Variants in ACOT7 observed in about 807,000 individuals in gnomAD.
The protein encoded by ACOT7 is acyl-CoA thioesterase 7, also known as cytosolic acyl coenzyme A thioester hydrolase.
A neutral mutation model predicts 40.2 loss-of-function variants in ACOT7; 12 were observed. That is an observed-to-expected ratio of 0.30 (90% confidence interval 0.19 to 0.48). The LOEUF (loss-of-function observed/expected upper bound fraction) is 0.48. Ranked by LOEUF, ACOT7 falls within the 20% of genes least tolerant of loss-of-function variation. The pLI is 0.99. For missense variants in ACOT7, 395 were observed against 530.8 expected, an observed-to-expected ratio of 0.74 and a Z score of 2.51; for synonymous variants, 228 against 219.5, an observed-to-expected ratio of 1.04 and a Z score of -0.34.
chr1:6,392,774 T>TG lies in ACOT7; in HGVS notation c.143+482dup, dbSNP rs553176374. 6.6e-5 allele frequency among the ~76,000 whole-genome samples: 10 copies of TG among 152,246 alleles called. 1 individual carries two copies. In the South Asian group the frequency reaches 2.1e-3, roughly 32 times the overall value. ...ACCCACCGAGGGGCTCGCGCGGCTC[T>TG]GGGCACCTCCCCTCCACCTCTGGGG... is the stretch of plus-strand genomic sequence containing the variant. On this transcript the variant is annotated intron_variant, in intron 1 of 8. Coordinates refer to ENST00000361521, the MANE Select transcript of ACOT7 (RefSeq NM_007274.4).
At chr1:6,339,664 T>C (rs6683889) in intron 2 of ACOT7, 75 bp from the exon 3 acceptor site, 235,038 of 1,546,266 alleles carry the variant, frequency 0.15, 18,920 homozygotes, top group African/African-American at 0.25. Flanking sequence ...ACATGCCCCC[T>C]GGAAACGGTC....
At chr1:6,375,856 T>G (rs529560478) in intron 1 of ACOT7, among the ~76,000 whole-genome samples, 50 of 151,146 alleles carry the variant, frequency 3.3e-4, no homozygotes, top group African/African-American at 1.2e-3. Context: ...AAGAATGGCA[T>G]GAACCCGGGA....
At chr1:6,349,092 A>G (rs1641516110) in intron 2 of ACOT7, among the ~76,000 whole-genome samples, 2 of 152,158 alleles carry the variant, frequency 1.3e-5, no homozygotes, top group African/African-American at 4.8e-5. Context: ...GCCGCCCTTC[A>G]GAGAAAATGT....
intron 2 of ACOT7, among the ~76,000 whole-genome samples, chr1:6,343,168 C>A (rs578160394): frequency 6.6e-6 from 1 of 152,190 alleles, no homozygotes. Context: ...ATTAGGCAAG[C>A]GTCCCAGAGC....
chr1:6,352,785 G>A lies in ACOT7; in HGVS notation c.144-2919C>T, dbSNP rs559422467. On this transcript the variant is annotated intron_variant, in intron 1 of 8. Coordinates refer to ENST00000361521, the MANE Select transcript of ACOT7 (RefSeq NM_007274.4). The surrounding 1 kb of genome is among the most constrained non-coding windows in gnomAD (Gnocchi z 4.5). ...TTTTTAGTAGAGAAGGGGTTTCACC[G>A]TATTAGCCAGGATGGTCTTGATCTC... Among the ~76,000 whole-genome samples, 14 of 152,088 alleles carry A rather than the reference G, an allele frequency of 9.2e-5. No homozygotes were observed. The highest frequency in any genetic ancestry group is 3.4e-4 in the African/African-American group (14 of 41,482).
At chr1:6,304,711 G>A (rs1318368501) in intron 6 of ACOT7, among the ~76,000 whole-genome samples, 3 of 130,668 alleles carry the variant, frequency 2.3e-5, no homozygotes, top group African/African-American at 3.3e-5. Flanking sequence ...AGGGTTGGGG[G>A]TAAGGTCACA....
chr1:6,305,626 T>C (rs1380130285), intron 6 of ACOT7, among the ~76,000 whole-genome samples: 2 of 134,704 alleles, frequency 1.5e-5, no homozygotes, highest in African/African-American at 5.7e-5. Context: ...ACATCTCAGA[T>C]GATGGGCGGC....
rs569445709 is a variant in ACOT7, at chr1:6,272,454, A to G, written c.1015-7759T>C. ...TGACAAAGATGAGATGAGAGTGTCC[A>G]GCACACCTAGGCTTGGCCATCCCCC... On this transcript the variant is annotated intron_variant, in intron 8 of 8. Coordinates refer to ENST00000361521, the MANE Select transcript of ACOT7 (RefSeq NM_007274.4). Among the ~76,000 whole-genome samples, 42 of 152,350 alleles carry G rather than the reference A, an allele frequency of 2.8e-4. No homozygotes were observed. The South Asian group carries it at 8.5e-3, about 31-fold the overall frequency.
intron 8 of ACOT7, among the ~76,000 whole-genome samples, chr1:6,265,248 C>A (rs1638790182): frequency 6.8e-6 from 1 of 146,910 alleles, no homozygotes; most frequent in African/African-American, 2.6e-5. Context: ...ACGGTCACTG[C>A]CCCAGAGAGA....
chr1:6,339,720 A>G (rs6680950), intron 2 of ACOT7, 131 bp from the exon 3 acceptor site: 90,654 of 971,840 alleles, frequency 0.093, 5,814 homozygotes, highest in African/African-American at 0.21. Flanking sequence ...CCAATGTATC[A>G]CCATTTATTG....
intron 1 of ACOT7, among the ~76,000 whole-genome samples, chr1:6,365,917 G>A (rs1642000659): frequency 6.7e-6 from 1 of 149,802 alleles, no homozygotes. Flanking sequence ...TTTTTTTTGA[G>A]ACAGTCTCAT....
chr1:6,326,929 C>T (rs545183408), intron 5 of ACOT7, among the ~76,000 whole-genome samples: 1 of 136,586 alleles, frequency 7.3e-6, no homozygotes, highest in Non-Finnish European at 1.5e-5. Flanking sequence ...AAGACTCCAA[C>T]TCAAAAAAAA....
chr1:6,383,229 C>G (rs1642380737), intron 1 of ACOT7, among the ~76,000 whole-genome samples: 1 of 148,726 alleles, frequency 6.7e-6, no homozygotes, highest in African/African-American at 2.5e-5. Context: ...GCTCTGTTGC[C>G]CAGGCTGGAG....
At chr1:6,292,893 T>TTC (rs1431607372) in intron 7 of ACOT7, among the ~76,000 whole-genome samples, 1 of 147,212 alleles carries the variant, frequency 6.8e-6, no homozygotes, top group East Asian at 1.9e-4. Flanking sequence ...CTTTTTCTTT[T>TTC]TTTTTTTTTT....
chr1:6,381,452 A>G (rs1642332728), intron 1 of ACOT7, among the ~76,000 whole-genome samples: 1 of 151,872 alleles, frequency 6.6e-6, no homozygotes, highest in Non-Finnish European at 1.5e-5. Flanking sequence ...ACTAAACATT[A>G]GGGAAATGCA....
chr1:6,324,087 C>T (rs1247959559), intron 5 of ACOT7, among the ~76,000 whole-genome samples: 2 of 152,054 alleles, frequency 1.3e-5, no homozygotes, highest in Non-Finnish European at 2.9e-5. Context: ...TTGACCCGGA[C>T]GCCCCTGCCA....
At chr1:6,381,708 GGGGTCTCT>G (rs1642338631) in intron 1 of ACOT7, among the ~76,000 whole-genome samples, 1 of 151,726 alleles carries the variant, frequency 6.6e-6, no homozygotes, top group African/African-American at 2.4e-5. Context: ...AACTAAAAAC[GGGGTCTCT>G]GCTGTGTTCA....
Position 6,282,208 on chromosome 1 carries a change from A to C in ACOT7, c.830-922T>G, listed in dbSNP as rs533578617. On this transcript the variant is annotated intron_variant, in intron 7 of 8. Transcript: ENST00000361521. This position sits in a 1 kb window ranked among gnomAD's most constrained non-coding sequence, Gnocchi z 4.5. ...GGGCTCCATCCTCCTACCTGGCCTCAACATAATCCCTTAATCTCAGGGAGC... is the reference window on the plus strand; with the variant it reads ...GGGCTCCATCCTCCTACCTGGCCTCCACATAATCCCTTAATCTCAGGGAGC... Among the ~76,000 whole-genome samples, 1 of 152,042 alleles carries C rather than the reference A, an allele frequency of 6.6e-6. No homozygotes were observed. Among genetic ancestry groups the C allele is most frequent in the Non-Finnish European group, 1.5e-5 (1 of 68,000 alleles).
At position 6,393,470 on chromosome 1, in the gene ACOT7, C is replaced by A. The variant is rs1278600640; in HGVS notation, c.-71G>T. 5 of 1,184,722 alleles carry A rather than the reference C, an allele frequency of 4.2e-6. No individual in the cohort carries two copies. The highest frequency in any genetic ancestry group is 3.4e-5 in the East Asian group (1 of 29,590). 73.4% of individuals were successfully genotyped at this position (1,184,722 alleles called of 1,614,324 possible). A position where few individuals can be genotyped will look rare whatever the true frequency, so the allele number is the denominator to read the frequency against. ...CCTGCGCGCCGGGGGCAATCGAACG[C>A]GGCCTCCCCGCGCCGACCCCGCCCC... On this transcript the variant is annotated 5_prime_UTR_variant, in exon 1 of 9. Transcript: ENST00000361521.
Sources: gnomAD v4.1 joint callset for allele counts (sites outside exome capture counted in the v4.1 genomes callset) on GRCh38, gnomAD v4.1.1 for gene constraint, Gnocchi (gnomAD v3.1) non-coding constraint, MANE v1.5 for transcripts, NCBI Gene and HGNC (gene_info 2026-07-23, HGNC 2026-07-21) for gene names.